Variants in DKK2 observed in about 807,000 individuals in gnomAD.
The protein encoded by DKK2 is dickkopf-related protein 2.
Under a neutral mutation model 28.1 loss-of-function variants are expected in DKK2, and 11 were observed. The observed-to-expected ratio is 0.39, with a 90% confidence interval of 0.25 to 0.65. The LOEUF (loss-of-function observed/expected upper bound fraction) is 0.65. Among genes scored for constraint, DKK2 ranks in the 30% least tolerant of loss-of-function variants. The pLI, the probability that DKK2 is intolerant of heterozygous loss-of-function variation, is 0.47. For synonymous variants in DKK2, 135 were observed against 126.5 expected, an observed-to-expected ratio of 1.07 and a Z score of -0.45; for missense variants, 326 against 335.5, an observed-to-expected ratio of 0.97 and a Z score of 0.22.
chr4:106,971,508 C>G (rs757768279), intron 1 of DKK2, among the ~76,000 whole-genome samples: 7 of 152,036 alleles, frequency 4.6e-5, no homozygotes, highest in Non-Finnish European at 8.8e-5. Context: ...ACACAACTAC[C>G]TATAATGTAG....
chr4:106,955,032 G>T (rs1311634296), intron 1 of DKK2, among the ~76,000 whole-genome samples: 1 of 152,120 alleles, frequency 6.6e-6, no homozygotes, highest in Admixed American at 6.5e-5. Context: ...AGAGACTTGA[G>T]AATTGTGTAA....
At chr4:106,983,612 C>T (rs185160651) in intron 1 of DKK2, among the ~76,000 whole-genome samples, 123 of 152,252 alleles carry the variant, frequency 8.1e-4, no homozygotes, top group African/African-American at 2.8e-3. Context: ...GTAAATCATA[C>T]TTTATCAAAA....
At chr4:106,978,229 T>C (rs889480360) in intron 1 of DKK2, among the ~76,000 whole-genome samples, 2 of 152,162 alleles carry the variant, frequency 1.3e-5, no homozygotes, top group African/African-American at 4.8e-5. Flanking sequence ...AGGGACCCAC[T>C]TGAGAAGCCA....
intron 1 of DKK2, among the ~76,000 whole-genome samples, chr4:107,011,712 T>TGTGTGTGTGG (rs1040184955): frequency 2.0e-5 from 3 of 151,380 alleles, no homozygotes; most frequent in African/African-American, 7.2e-5. Flanking sequence ...TGTGTGTGTG[T>TGTGTGTGTGG]GGGTGTGTAT....
intron 1 of DKK2, among the ~76,000 whole-genome samples, chr4:106,969,516 A>G (rs1034013226): frequency 6.6e-6 from 1 of 152,090 alleles, no homozygotes; most frequent in Non-Finnish European, 1.5e-5. Flanking sequence ...CAAGTGTAGT[A>G]TTTAAAAGGA....
At chr4:106,991,828 G>T (rs769508146) in intron 1 of DKK2, among the ~76,000 whole-genome samples, 2 of 151,948 alleles carry the variant, frequency 1.3e-5, no homozygotes, top group African/African-American at 2.4e-5. Flanking sequence ...CAAGCTTTTC[G>T]AAGGCTTCAT....
intron 1 of DKK2, among the ~76,000 whole-genome samples, chr4:107,024,076 A>G (rs191672518): frequency 1.2e-3 from 178 of 152,276 alleles, no homozygotes; most frequent in South Asian, 3.7e-3. Context: ...TTTTGCACCA[A>G]TACAACCTGG....
intron 1 of DKK2, among the ~76,000 whole-genome samples, chr4:106,954,979 C>A (rs995851866): frequency 6.6e-6 from 1 of 152,094 alleles, no homozygotes; most frequent in African/African-American, 2.4e-5. Flanking sequence ...TGGACAATGA[C>A]CTCACACATT....
intron 1 of DKK2, among the ~76,000 whole-genome samples, chr4:106,966,173 C>A (rs78448905): frequency 1.9e-4 from 29 of 152,084 alleles, no homozygotes; most frequent in Non-Finnish European, 3.7e-4. Flanking sequence ...TAGGCTTGGA[C>A]GCTTGTAATA....
At chr4:106,941,332 G>T (rs1223615181) in intron 1 of DKK2, among the ~76,000 whole-genome samples, 1 of 152,028 alleles carries the variant, frequency 6.6e-6, no homozygotes, top group Non-Finnish European at 1.5e-5. Context: ...TTTGCAACAG[G>T]ATAAGGGACT....
intron 1 of DKK2, among the ~76,000 whole-genome samples, chr4:106,941,634 G>A (rs931817531): frequency 7.9e-5 from 12 of 152,040 alleles, no homozygotes; most frequent in East Asian, 1.9e-4. Context: ...CCTTCTAATC[G>A]TCACTGGGTT....
intron 1 of DKK2, among the ~76,000 whole-genome samples, chr4:106,991,853 A>C (rs1056490282): frequency 1.3e-5 from 2 of 152,174 alleles, no homozygotes; most frequent in African/African-American, 4.8e-5. Context: ...GGCCTACACC[A>C]TCAGCTCCAT....
intron 1 of DKK2, among the ~76,000 whole-genome samples, chr4:106,987,595 G>T (rs1201277039): frequency 6.6e-6 from 1 of 151,978 alleles, no homozygotes; most frequent in Non-Finnish European, 1.5e-5. Flanking sequence ...CTCTTTCTGG[G>T]GTATTTGCAA....
Position 107,001,770 on chromosome 4 carries a change from T to A in DKK2, c.222+33600A>T, listed in dbSNP as rs1404624109. ...GTTGTATGTATAAAAGAATGAACAATTATATTTTAACCTAAAAGAATGAAA... is the reference window on the plus strand; with the variant it reads ...GTTGTATGTATAAAAGAATGAACAAATATATTTTAACCTAAAAGAATGAAA... On this transcript the variant is annotated intron_variant, in intron 1 of 3. Transcript: ENST00000285311. Among the ~76,000 whole-genome samples the A allele has an allele frequency of 2.0e-5, 3 of 152,178 alleles. No homozygotes were observed. In the South Asian group the frequency reaches 6.2e-4, roughly 31 times the overall value.
At chr4:106,983,866 C>G (rs188773937) in intron 1 of DKK2, among the ~76,000 whole-genome samples, 5 of 152,242 alleles carry the variant, frequency 3.3e-5, no homozygotes, top group Non-Finnish European at 5.9e-5. Flanking sequence ...GATGATCGAC[C>G]TTATTAGTTA....
At chr4:106,989,005 C>G (rs1174322776) in intron 1 of DKK2, among the ~76,000 whole-genome samples, 1 of 152,168 alleles carries the variant, frequency 6.6e-6, no homozygotes. Context: ...AATGCTCAAA[C>G]TGGCCTAATG....
intron 1 of DKK2, among the ~76,000 whole-genome samples, chr4:107,019,030 G>C (rs931006748): frequency 6.6e-6 from 1 of 151,928 alleles, no homozygotes; most frequent in Non-Finnish European, 1.5e-5. Flanking sequence ...GCTTTGAAGA[G>C]AGATTTACAA....
chr4:106,983,433 A>T (rs1723064755), intron 1 of DKK2, among the ~76,000 whole-genome samples: 1 of 152,096 alleles, frequency 6.6e-6, no homozygotes, highest in Non-Finnish European at 1.5e-5. Context: ...TATCTTACAC[A>T]AGAATTAACT....
intron 1 of DKK2, among the ~76,000 whole-genome samples, chr4:106,966,241 C>T (rs1321485909): frequency 2.6e-5 from 4 of 152,060 alleles, no homozygotes; most frequent in Non-Finnish European, 5.9e-5. Flanking sequence ...ATAACCACCT[C>T]GTAATTTGAT....
Sources: gnomAD v4.1 joint callset for allele counts (sites outside exome capture counted in the v4.1 genomes callset) on GRCh38, gnomAD v4.1.1 for gene constraint, MANE v1.5 for transcripts, NCBI Gene and HGNC (gene_info 2026-07-23, HGNC 2026-07-21) for gene names.